Variants in MLIP observed in about 807,000 individuals in gnomAD.
MLIP encodes the protein muscular LMNA-interacting protein.
In MLIP, 79 loss-of-function variants were observed where a neutral mutation model predicts 84.8. The ratio of observed to expected loss-of-function variants is 0.93; its 90% CI spans 0.78 to 1.12. The LOEUF (loss-of-function observed/expected upper bound fraction) is 1.12, where lower values mean the gene tolerates loss of function less well. MLIP is among the 50% of genes most tolerant of loss of function. The pLI is 0.00. For missense variants in MLIP, 1,257 were observed against 1,160.6 expected (o/e 1.08, Z -1.21); for synonymous variants, 504 against 463.0 (o/e 1.09, Z -1.14).
intron 13 of MLIP, among the ~76,000 whole-genome samples, chr6:54,263,477 A>G (rs1783512757): frequency 6.6e-6 from 1 of 152,126 alleles, no homozygotes; most frequent in South Asian, 2.1e-4. Flanking sequence ...ATATTATGAT[A>G]CACATTTCTT....
chr6:54,051,121 C>A (rs996640998), intron 1 of MLIP, among the ~76,000 whole-genome samples: 9 of 151,932 alleles, frequency 5.9e-5, no homozygotes, highest in African/African-American at 2.2e-4. Context: ...TTTCCCTTCT[C>A]CCCACTCTCA....
At chr6:54,039,579 G>A (rs1056235258) in intron 1 of MLIP, among the ~76,000 whole-genome samples, 1 of 151,844 alleles carries the variant, frequency 6.6e-6, no homozygotes. Flanking sequence ...GGTTTCAAAT[G>A]AGCACATGAG....
intron 10 of MLIP, among the ~76,000 whole-genome samples, chr6:54,201,802 C>T (rs2754807): frequency 0.96 from 145,874 of 152,266 alleles, 70,181 homozygotes; most frequent in East Asian, 1. Context: ...TCAATAAATA[C>T]TTAGCAAATG....
intron 12 of MLIP, among the ~76,000 whole-genome samples, chr6:54,250,655 T>A (rs1016940985): frequency 2.6e-5 from 4 of 152,120 alleles, no homozygotes; most frequent in South Asian, 2.1e-4. Context: ...AAATTCCTCA[T>A]AGTAATTCTC....
rs776788535 is a variant in MLIP at position 54,124,698 on chromosome 6, G to A, written c.478G>A (p.Gly160Ser). ...DEAASRKVEQ[G>S]PPGGIGTAAV... ...GGCTGCAAGCAGAAAAGTTGAACAA[G>A]GCCCCCCAGGGGGGATTGGCACCGC... Residue 160 changes from glycine (G) to serine (S), a missense_variant, in exon 3 of 14, where the codon GGC becomes AGC. By Grantham distance (56) the Gly-to-Ser change is moderately conservative (BLOSUM62 0). Transcript: ENST00000502396. The A allele has an allele frequency of 1.9e-6, 3 of 1,614,186 alleles. No homozygotes were observed. The highest frequency in any genetic ancestry group is 2.2e-5 in the South Asian group (2 of 91,082).
intron 1 of MLIP, among the ~76,000 whole-genome samples, chr6:54,071,602 A>G (rs1195067457): frequency 6.6e-6 from 1 of 152,176 alleles, no homozygotes; most frequent in Admixed American, 6.5e-5. Context: ...AATATAAATG[A>G]CTTTTAAAGT....
intron 11 of MLIP, among the ~76,000 whole-genome samples, chr6:54,224,472 T>A (rs1484057115): frequency 6.6e-6 from 1 of 151,844 alleles, no homozygotes; most frequent in Non-Finnish European, 1.5e-5. Context: ...CACAAATAGA[T>A]TCCCAGGGAA....
intron 3 of MLIP, among the ~76,000 whole-genome samples, chr6:54,134,308 C>T (rs1159129948): frequency 6.6e-6 from 1 of 151,928 alleles, no homozygotes; most frequent in Non-Finnish European, 1.5e-5. Flanking sequence ...GAAAATCAAT[C>T]TTTTTATAAA....
intron 4 of MLIP, 104 bp downstream of exon 4, chr6:54,138,390 C>T (rs1248522176): frequency 7.6e-6 from 10 of 1,318,012 alleles, no homozygotes; most frequent in Non-Finnish European, 1.0e-5. Flanking sequence ...AATTGTACTC[C>T]TACAAGGAGG....
intron 1 of MLIP, among the ~76,000 whole-genome samples, chr6:54,092,102 G>A (rs1767909241): frequency 6.6e-6 from 1 of 152,136 alleles, no homozygotes; most frequent in African/African-American, 2.4e-5. Flanking sequence ...ATTAAAAATA[G>A]GATGGGTTTC....
intron 1 of MLIP, among the ~76,000 whole-genome samples, chr6:54,119,738 G>A (rs188855821): frequency 9.8e-5 from 15 of 152,306 alleles, no homozygotes; most frequent in Admixed American, 9.2e-4. Flanking sequence ...AACTGTATTT[G>A]TTAATTAACT....
intron 1 of MLIP, among the ~76,000 whole-genome samples, chr6:54,070,333 T>TC (rs778366143): frequency 2.4e-4 from 36 of 151,926 alleles, no homozygotes; most frequent in Middle Eastern, 3.4e-3. Context: ...TTTCCCCACC[T>TC]CCCCCCCATG....
chr6:54,076,911 A>G (rs1668517860), intron 1 of MLIP, among the ~76,000 whole-genome samples: 1 of 152,190 alleles, frequency 6.6e-6, no homozygotes, highest in Non-Finnish European at 1.5e-5. Flanking sequence ...AGAGACAGAA[A>G]TAAAAATGGA....
intron 1 of MLIP, among the ~76,000 whole-genome samples, chr6:54,092,086 G>A (rs62397373): frequency 0.012 from 1,810 of 152,224 alleles, 37 homozygotes; most frequent in South Asian, 0.083. Flanking sequence ...ATATCCAAGA[G>A]AGAGGATTAA....
intron 11 of MLIP, among the ~76,000 whole-genome samples, chr6:54,225,603 C>A (rs1004919492): frequency 1.3e-5 from 2 of 152,136 alleles, no homozygotes; most frequent in Non-Finnish European, 2.9e-5. Context: ...AACTTCAGCT[C>A]AAACTCAGTT....
chr6:54,150,466 C>T (rs111524924), intron 5 of MLIP, among the ~76,000 whole-genome samples: 6 of 152,172 alleles, frequency 3.9e-5, no homozygotes, highest in African/African-American at 1.4e-4. Context: ...AGTTCCCACA[C>T]CACAGACTCT....
intron 1 of MLIP, among the ~76,000 whole-genome samples, chr6:54,044,748 C>T (rs1193339285): frequency 1.3e-5 from 2 of 151,312 alleles, no homozygotes; most frequent in African/African-American, 4.9e-5. Flanking sequence ...GGTGTTAGGT[C>T]GGTGAAATTA....
upstream of MLIP, among the ~76,000 whole-genome samples, chr6:54,106,999 G>C (rs1325050861): frequency 6.6e-6 from 1 of 152,170 alleles, no homozygotes; most frequent in Non-Finnish European, 1.5e-5. Flanking sequence ...GAAAGGAAAT[G>C]GATTGCCTGA....
intron 5 of MLIP, among the ~76,000 whole-genome samples, chr6:54,155,460 G>A (rs941263691): frequency 6.6e-6 from 1 of 152,100 alleles, no homozygotes; most frequent in African/African-American, 2.4e-5. Context: ...ACTCAGGAAT[G>A]AAATTTTTGA....
Sources: gnomAD v4.1 joint callset for allele counts (sites outside exome capture counted in the v4.1 genomes callset) on GRCh38, gnomAD v4.1.1 for gene constraint, MANE v1.5 for transcripts, NCBI Gene and HGNC (gene_info 2026-07-23, HGNC 2026-07-21) for gene names.